The following PLSCR4 variants were observed in gnomAD, a reference collection of about 807,000 sequenced individuals.
The protein encoded by PLSCR4 is phospholipid scramblase 4, also known as Ca(2+)-dependent phospholipid scramblase 4.
In PLSCR4, 25 loss-of-function variants were observed where a neutral mutation model predicts 36.3. The ratio of observed to expected loss-of-function variants is 0.69; its 90% CI spans 0.50 to 0.96. The LOEUF is 0.96. Ranked by LOEUF, PLSCR4 falls within the 40% of genes least tolerant of loss-of-function variation. The pLI is 0.00. For synonymous variants in PLSCR4, 122 were observed against 132.9 expected (o/e 0.92, Z 0.56); for missense variants, 408 against 414.7 (o/e 0.98, Z 0.14).
At chr3:146,205,474 A>G (rs2108237063) in intron 4 of PLSCR4, among the ~76,000 whole-genome samples, 2 of 152,148 alleles carry the variant, frequency 1.3e-5, no homozygotes, top group Middle Eastern at 3.4e-3. Flanking sequence ...TTTCCTTGAC[A>G]TATCCAAATT....
chr3:146,244,138 C>G (rs1198735599), intron 1 of PLSCR4, among the ~76,000 whole-genome samples: 1 of 152,130 alleles, frequency 6.6e-6, no homozygotes, highest in Non-Finnish European at 1.5e-5. Flanking sequence ...ATGGTGACGT[C>G]AAATAACCAC....
chr3:146,247,872 C>T (rs1259995120), intron 1 of PLSCR4, among the ~76,000 whole-genome samples: 1 of 152,164 alleles, frequency 6.6e-6, no homozygotes, highest in African/African-American at 2.4e-5. Flanking sequence ...TCTGCCCACC[C>T]CTGCCTCTCA....
At chr3:146,216,295 T>G (rs2034888527) in intron 3 of PLSCR4, among the ~76,000 whole-genome samples, 1 of 152,068 alleles carries the variant, frequency 6.6e-6, no homozygotes, top group South Asian at 2.1e-4. Context: ...TTTGAAAAGG[T>G]CACTCTTGCA....
chr3:146,220,857 T>C lies in PLSCR4; in HGVS notation c.76A>G (p.Arg26Gly). The change falls in exon 3 of 9, where the codon AGG (arginine) becomes GGG (glycine). Residue 26 changes from arginine (R) to glycine (G), a missense_variant. Physicochemically the swap from Arg to Gly is moderately radical, Grantham distance 125. Transcript: ENST00000354952. Reference sequence around the variant, plus strand: ...TTGTATTCAGGAGGAGCATCAGGCCTTGGATCTGGTGGTTTTGTTTGATTT... The same window carrying C: ...TTGTATTCAGGAGGAGCATCAGGCCCTGGATCTGGTGGTTTTGTTTGATTT... ...MENQTKPPDPRPDAPPEYNSH... is the reference protein window; with the variant it reads ...MENQTKPPDPGPDAPPEYNSH... 1 of 1,613,626 alleles carries C rather than the reference T, an allele frequency of 6.2e-7. No individual in the cohort carries two copies. The highest frequency in any genetic ancestry group is 8.5e-7 in the Non-Finnish European group (1 of 1,179,654).
intron 1 of PLSCR4, among the ~76,000 whole-genome samples, chr3:146,242,394 A>G (rs1173583689): frequency 6.6e-6 from 1 of 152,126 alleles, no homozygotes; most frequent in Non-Finnish European, 1.5e-5. Flanking sequence ...CAGCATGCCC[A>G]GTGTACTCAC....
chr3:146,206,575 C>A lies in PLSCR4; in HGVS notation c.305G>T (p.Gly102Val). The change falls in exon 4 of 9, where the codon GGG becomes GTG. Residue 102 changes from glycine (G) to valine (V), a missense_variant. Physicochemically the swap from Gly to Val is moderately radical, Grantham distance 109. Transcript: ENST00000354952. ...AGGGCAGTTTGCCATAGGAGTTGGC[C>A]CTGGCATCCATGTTATTGGAACAGA... The part of the protein sequence containing the change: ...NQSVPITWMP[G>V]PTPMANCPPG... The A allele has an allele frequency of 6.2e-7, 1 of 1,613,402 alleles. No homozygotes were observed. Among genetic ancestry groups the A allele is most frequent in the Non-Finnish European group, 8.5e-7 (1 of 1,179,612 alleles).
At chr3:146,216,099 G>A (rs998374959) in intron 3 of PLSCR4, among the ~76,000 whole-genome samples, 1 of 152,062 alleles carries the variant, frequency 6.6e-6, no homozygotes, top group Non-Finnish European at 1.5e-5. Context: ...GCGTGGTGGT[G>A]CATGCCTGTA....
At chr3:146,248,890 A>C (rs1430840856) in intron 1 of PLSCR4, among the ~76,000 whole-genome samples, 1 of 152,172 alleles carries the variant, frequency 6.6e-6, no homozygotes, top group Non-Finnish European at 1.5e-5. Flanking sequence ...AACAACACCT[A>C]AAGTTATCAG....
At chr3:146,203,681 T>C (rs1458719753) in intron 4 of PLSCR4, among the ~76,000 whole-genome samples, 1 of 152,020 alleles carries the variant, frequency 6.6e-6, no homozygotes, top group African/African-American at 2.4e-5. Context: ...AACTTTTTTT[T>C]TCTGTAGCTT....
rs1300475718 is a variant in PLSCR4 at position 146,193,081 on chromosome 3, T to G, written c.*1330A>C. The G allele has an allele frequency of 6.6e-6, 1 of 151,946 alleles. No homozygotes were observed. Among genetic ancestry groups the G allele is most frequent in the East Asian group, 1.9e-4 (1 of 5,172 alleles). 9.4% of individuals were successfully genotyped at this position (151,946 alleles called of 1,614,324 possible). A position where few individuals can be genotyped will look rare whatever the true frequency, so the allele number is the denominator to read the frequency against. Reference sequence around the variant, plus strand: ...AAAAAAAATGCAGTCCATATGCAGGTAGAAAACTAAAGTGCAACAGAAGCA... The same window carrying G: ...AAAAAAAATGCAGTCCATATGCAGGGAGAAAACTAAAGTGCAACAGAAGCA... On this transcript the variant is annotated 3_prime_UTR_variant, in exon 9 of 9. Coordinates refer to ENST00000354952, the MANE Select transcript of PLSCR4 (RefSeq NM_020353.3).
chr3:146,241,655 C>A (rs944421205), intron 1 of PLSCR4, among the ~76,000 whole-genome samples: 1 of 152,124 alleles, frequency 6.6e-6, no homozygotes, highest in African/African-American at 2.4e-5. Context: ...CACAACTAGA[C>A]AGCATCATCA....
At chr3:146,206,896 G>T in intron 3 of PLSCR4, 135 bp from the exon 4 acceptor site, 1 of 626,048 alleles carries the variant, frequency 1.6e-6, no homozygotes, top group Non-Finnish European at 2.8e-6. Flanking sequence ...CACACTTTAT[G>T]CAGATCATGG....
chr3:146,231,321 T>C (rs188096959), intron 1 of PLSCR4, among the ~76,000 whole-genome samples: 3 of 152,296 alleles, frequency 2.0e-5, no homozygotes, highest in Non-Finnish European at 4.4e-5. Context: ...GCAATGAATA[T>C]AGAAGTGTAT....
In PLSCR4 at chr3:146,196,644, A is replaced by G; in HGVS notation, c.774T>C (p.Asp258=). The change falls in exon 7 of 9, where the codon GAT becomes GAC. Residue 258 remains aspartate, a synonymous_variant. Coordinates refer to ENST00000354952, the MANE Select transcript of PLSCR4 (RefSeq NM_020353.3). ...GPCSTYGCGS[D]SVFEVKSLDG... ...TACATAGTTTCACCTCAAAAACAGA[A>G]TCTGAACCACAGCCATAGGTTGAGC... 2.5e-6 allele frequency: 4 copies of G among 1,613,934 alleles called. No individual in the cohort carries two copies. Among genetic ancestry groups the G allele is most frequent in the Non-Finnish European group, 3.4e-6 (4 of 1,179,854 alleles).
At chr3:146,244,181 AC>A (rs1240402239) in intron 1 of PLSCR4, among the ~76,000 whole-genome samples, 1 of 152,166 alleles carries the variant, frequency 6.6e-6, no homozygotes, top group East Asian at 1.9e-4. Flanking sequence ...AGATACTGAT[AC>A]CTTTGCTTTC....
At chr3:146,210,389 T>C (rs1196106742) in intron 3 of PLSCR4, among the ~76,000 whole-genome samples, 1 of 151,970 alleles carries the variant, frequency 6.6e-6, no homozygotes, top group Non-Finnish European at 1.5e-5. Flanking sequence ...ATGAAGGCAA[T>C]TTTTAAAAAT....
chr3:146,204,338 A>G (rs2034204908), intron 4 of PLSCR4, among the ~76,000 whole-genome samples: 1 of 152,020 alleles, frequency 6.6e-6, no homozygotes, highest in Non-Finnish European at 1.5e-5. Context: ...AAGGTATTTA[A>G]GCTAATAACA....
At position 146,224,670 on chromosome 3, in the gene PLSCR4, T is replaced by G. The variant is rs188292870; in HGVS notation, c.-21-2578A>C. 1.7e-3 allele frequency among the ~76,000 whole-genome samples: 264 copies of G among 152,062 alleles called. 1 individual carries two copies. The highest frequency in any genetic ancestry group is 6.0e-3 in the African/African-American group (250 of 41,482). On this transcript the variant is annotated intron_variant, in intron 1 of 8. Coordinates refer to ENST00000354952, the MANE Select transcript of PLSCR4 (RefSeq NM_020353.3). ...CAAAAGAAAAAAAGCTTCCACAGTG[T>G]GGAAGGGGACCCGAGCGGGTTGCCA...
rs544350876 is a variant in PLSCR4, at chr3:146,204,200, C to T, written c.354+2326G>A. 9.9e-5 allele frequency among the ~76,000 whole-genome samples: 15 copies of T among 152,022 alleles called. No individual in the cohort carries two copies. In the East Asian group the frequency reaches 2.9e-3, roughly 29 times the overall value. On this transcript the variant is annotated intron_variant, in intron 4 of 8. Coordinates refer to ENST00000354952, the MANE Select transcript of PLSCR4 (RefSeq NM_020353.3). ...AGACTCTGAAAATAATATAATCGTG[C>T]TAATTTGGATGTTTTAGGATTCTTG... is the stretch of plus-strand genomic sequence containing the variant.
Sources: gnomAD v4.1 joint callset for allele counts (sites outside exome capture counted in the v4.1 genomes callset) on GRCh38, gnomAD v4.1.1 for gene constraint, MANE v1.5 for transcripts, NCBI Gene and HGNC (gene_info 2026-07-23, HGNC 2026-07-21) for gene names.